Variants in IARS2 observed in about 807,000 individuals in gnomAD.
IARS2 encodes the protein isoleucyl-tRNA synthetase 2, mitochondrial.
In IARS2, 56 loss-of-function variants were observed where a neutral mutation model predicts 126.3. That is an observed-to-expected ratio of 0.44 (90% CI 0.36 to 0.55). The LOEUF is 0.55. IARS2 is among the 20% of genes least tolerant of loss of function. The pLI is 0.00. For missense variants in IARS2, 1,127 were observed against 1,245.9 expected (o/e 0.90, Z 1.44); for synonymous variants, 407 against 441.1 (o/e 0.92, Z 0.97).
Position 220,110,405 on chromosome 1 carries a change from A to G in IARS2, c.1328-381A>G, listed in dbSNP as rs560588461. Among the ~76,000 whole-genome samples the G allele has an allele frequency of 4.0e-5, 6 of 148,888 alleles. No homozygotes were observed. In the East Asian group the frequency reaches 1.2e-3, roughly 30 times the overall value. ...TTTTGAGACGGAGTCTCGCTCTGTC[A>G]CCCAGGCTGGAGTGCAGTGGCACGA... On this transcript the variant is annotated intron_variant, in intron 10 of 22. Coordinates refer to ENST00000366922, the MANE Select transcript of IARS2 (RefSeq NM_018060.4).
In IARS2 at chr1:220,138,059, C is replaced by A. The variant is rs1254099683; in HGVS notation, c.2175+16C>A. The A allele has an allele frequency of 1.2e-6, 2 of 1,610,428 alleles. No homozygotes were observed. Among genetic ancestry groups the A allele is most frequent in the Admixed American group, 1.7e-5 (1 of 59,664 alleles). Reference sequence around the variant, plus strand: ...TATTAGCAAGGTTAGAACTATTATTCTTCCTATTTCTAAAGGACAAGTTTG... The same window carrying A: ...TATTAGCAAGGTTAGAACTATTATTATTCCTATTTCTAAAGGACAAGTTTG... On this transcript the variant is annotated intron_variant, in intron 17 of 22. Transcript: ENST00000366922.
At chr1:220,126,637 A>C (rs967981588) in intron 13 of IARS2, 113 bp from the exon 14 acceptor site, 3 of 762,938 alleles carry the variant, frequency 3.9e-6, no homozygotes, top group Admixed American at 5.4e-5. Context: ...ATTTCATCTA[A>C]AAATGTGAAC....
chr1:220,120,798 C>T (rs1657033800), intron 12 of IARS2, among the ~76,000 whole-genome samples: 1 of 152,118 alleles, frequency 6.6e-6, no homozygotes, highest in Non-Finnish European at 1.5e-5. Context: ...TTTTTCTTTA[C>T]TCTCTTATTT....
intron 18 of IARS2, 90 bp downstream of exon 18, chr1:220,139,229 T>G (rs1298982156): frequency 2.1e-6 from 2 of 966,524 alleles, no homozygotes; most frequent in African/African-American, 1.7e-5. Flanking sequence ...GAACAGACCT[T>G]GCTGGAAATA....
chr1:220,096,080 A>G (rs778227667), intron 1 of IARS2, 24 bp from the exon 2 acceptor site: 3 of 1,261,070 alleles, frequency 2.4e-6, no homozygotes, highest in South Asian at 2.6e-5. Context: ...TGATGTTTAG[A>G]TATCTTTTTT....
intron 10 of IARS2, among the ~76,000 whole-genome samples, chr1:220,109,185 G>C (rs1442654924): frequency 6.6e-6 from 1 of 152,026 alleles, no homozygotes; most frequent in Non-Finnish European, 1.5e-5. Flanking sequence ...CATATCACGA[G>C]GTCAGGAGTT....
Position 220,125,313 on chromosome 1 carries a change from C to T in IARS2, c.1717C>T (p.Leu573Phe), listed in dbSNP as rs752974221. 1 of 1,613,034 alleles carries T rather than the reference C, an allele frequency of 6.2e-7. No homozygotes were observed. Among genetic ancestry groups the T allele is most frequent in the Non-Finnish European group, 8.5e-7 (1 of 1,179,078 alleles). ...CTGGTGGACTCTTCCCCCTGAACAA[C>T]TTCTTCCAAAAGAAGTCTTATCTGA... is the stretch of plus-strand genomic sequence containing the variant. ...DIWWTLPPEQLLPKEVLSEVG... is the reference protein window; with the variant it reads ...DIWWTLPPEQFLPKEVLSEVG... The change falls in exon 13 of 23, where the codon CTT becomes TTT. Residue 573 changes from leucine to phenylalanine, a missense_variant. By Grantham distance (22) the Leu-to-Phe change is conservative. Coordinates refer to ENST00000366922, the MANE Select transcript of IARS2 (RefSeq NM_018060.4).
intron 2 of IARS2, among the ~76,000 whole-genome samples, chr1:220,100,225 A>T (rs1179110564): frequency 1.3e-5 from 2 of 152,248 alleles, no homozygotes; most frequent in Non-Finnish European, 2.9e-5. Flanking sequence ...AGTACACTGT[A>T]AGTTCTGCAA....
rs775037446 is a variant in IARS2 at position 220,110,921 on chromosome 1, T to G, written c.1463T>G (p.Ile488Ser). 2 of 1,613,102 alleles carry G rather than the reference T, an allele frequency of 1.2e-6. No homozygotes were observed. Among genetic ancestry groups the G allele is most frequent in the Non-Finnish European group, 1.7e-6 (2 of 1,179,802 alleles). The stretch of plus-strand genomic sequence containing the variant: ...CAGTGGTTTATAAACATCACGGATA[T>G]TAAGACTGCAGCCAAGGTATAAAAA... ...SKQWFINITDIKTAAKELLKK... is the reference protein window; with the variant it reads ...SKQWFINITDSKTAAKELLKK... The change falls in exon 11 of 23, where the codon ATT becomes AGT. Residue 488 changes from isoleucine to serine, a missense_variant. Transcript: ENST00000366922.
chr1:220,117,564 G>A (rs771124016), intron 12 of IARS2, among the ~76,000 whole-genome samples: 1 of 152,026 alleles, frequency 6.6e-6, no homozygotes, highest in Non-Finnish European at 1.5e-5. Flanking sequence ...ATTGAGGTGG[G>A]TGGGGATTCC....
intron 12 of IARS2, among the ~76,000 whole-genome samples, chr1:220,119,884 G>A (rs1289095608): frequency 1.3e-5 from 2 of 152,046 alleles, no homozygotes; most frequent in African/African-American, 4.8e-5. Flanking sequence ...TTAGATGTTT[G>A]TCACATCTCT....
At chr1:220,111,481 G>T (rs1656798242) in intron 11 of IARS2, among the ~76,000 whole-genome samples, 1 of 151,626 alleles carries the variant, frequency 6.6e-6, no homozygotes, top group Non-Finnish European at 1.5e-5. Context: ...AATATACAAA[G>T]TTGTTGCTTT....
intron 14 of IARS2, among the ~76,000 whole-genome samples, chr1:220,134,158 A>G (rs943539786): frequency 6.6e-6 from 1 of 152,220 alleles, no homozygotes; most frequent in African/African-American, 2.4e-5. Flanking sequence ...GGAATATCAC[A>G]GAAAGGATAC....
In IARS2 at chr1:220,147,857, CTG is replaced by C; in HGVS notation, c.*225_*226del. On this transcript the variant is annotated 3_prime_UTR_variant, in exon 23 of 23. Coordinates refer to ENST00000366922, the MANE Select transcript of IARS2 (RefSeq NM_018060.4). ...CAGAAATATATATGTGTGTGTGTAT[CTG>C]TGGATGGATATATGTATATCTCTTC... is the stretch of plus-strand genomic sequence containing the variant. The C allele has an allele frequency of 1.9e-6, 1 of 529,396 alleles. No homozygotes were observed. The highest frequency in any genetic ancestry group is 3.3e-6 in the Non-Finnish European group (1 of 299,492). The allele number at this position is 529,396 out of a possible 1,614,324, so 32.8% of individuals were successfully genotyped here. A position where few individuals can be genotyped will look rare whatever the true frequency, so the allele number is the denominator to read the frequency against.
chr1:220,130,953 GT>G (rs750328613), intron 14 of IARS2, among the ~76,000 whole-genome samples: 1 of 152,198 alleles, frequency 6.6e-6, no homozygotes, highest in East Asian at 1.9e-4. Context: ...CTAAGTGTCT[GT>G]TTTTATACCA....
At chr1:220,138,813 A>T (rs925792225) in intron 17 of IARS2, among the ~76,000 whole-genome samples, 195 bp from the exon 18 acceptor site, 2 of 152,174 alleles carry the variant, frequency 1.3e-5, no homozygotes, top group Non-Finnish European at 2.9e-5. Context: ...TTGTTCCTAT[A>T]ACTGGGCTAT....
At chr1:220,108,609 T>A (rs1277776182) in intron 10 of IARS2, among the ~76,000 whole-genome samples, 3 of 151,974 alleles carry the variant, frequency 2.0e-5, no homozygotes, top group Non-Finnish European at 4.4e-5. Flanking sequence ...ACGGTCTCGA[T>A]CTCCTGACCT....
chr1:220,134,620 T>G (rs1274736145), intron 15 of IARS2, 110 bp downstream of exon 15: 4 of 537,972 alleles, frequency 7.4e-6, no homozygotes, highest in African/African-American at 2.0e-5. Flanking sequence ...TACAGTGTCC[T>G]GTAAGAATTT....
chr1:220,095,149 C>A (rs930412424), intron 1 of IARS2, among the ~76,000 whole-genome samples: 3 of 152,220 alleles, frequency 2.0e-5, no homozygotes, highest in African/African-American at 7.2e-5. Context: ...GGCAATTCTC[C>A]TGCCTTAGCC....
Sources: gnomAD v4.1 joint callset for allele counts (sites outside exome capture counted in the v4.1 genomes callset) on GRCh38, gnomAD v4.1.1 for gene constraint, MANE v1.5 for transcripts, NCBI Gene and HGNC (gene_info 2026-07-23, HGNC 2026-07-21) for gene names.